GNAL: variants seen among roughly 807,000 people sequenced by gnomAD.
The protein encoded by GNAL is guanine nucleotide-binding protein G(olf) subunit alpha.
In GNAL, 18 loss-of-function variants were observed where a neutral mutation model predicts 55.1. That is an observed-to-expected ratio of 0.33 (90% confidence interval 0.23 to 0.48). GNAL has a LOEUF of 0.48. GNAL is among the 20% of genes least tolerant of loss of function. The probability of loss-of-function intolerance (pLI) is 0.99; values close to 1 mark genes in which losing one functional copy is unlikely to be tolerated. For missense variants in GNAL, 412 were observed against 614.1 expected, an observed-to-expected ratio of 0.67 and a Z score of 3.48; for synonymous variants, 253 against 237.0, an observed-to-expected ratio of 1.07 and a Z score of -0.62.
At chr18:11,746,641 A>T in intron 1 of GNAL, 1 of 244,394 alleles carries the variant, frequency 4.1e-6, no homozygotes, top group South Asian at 5.6e-5. Context: ...GGAGAGGGAG[A>T]AAAAGGAGAA....
intron 4 of GNAL, among the ~76,000 whole-genome samples, chr18:11,785,711 G>T (rs919195825): frequency 6.6e-6 from 1 of 152,122 alleles, no homozygotes; most frequent in Non-Finnish European, 1.5e-5. Context: ...GTTCAGGCCG[G>T]TGTATGAGAG....
chr18:11,786,877 T>C (rs2034077707), intron 4 of GNAL, among the ~76,000 whole-genome samples: 1 of 152,154 alleles, frequency 6.6e-6, no homozygotes, highest in South Asian at 2.1e-4. Context: ...TATGTCTGCT[T>C]TACCCCAGCC....
At chr18:11,737,675 A>T (rs1234795148) in intron 1 of GNAL, among the ~76,000 whole-genome samples, 1 of 152,246 alleles carries the variant, frequency 6.6e-6, no homozygotes. Flanking sequence ...CCATCCGCAC[A>T]GGGTCATCTG....
chr18:11,729,827 C>G (rs2032295070), intron 1 of GNAL, among the ~76,000 whole-genome samples: 1 of 152,112 alleles, frequency 6.6e-6, no homozygotes, highest in East Asian at 1.9e-4. Flanking sequence ...TTAAGTCGCC[C>G]CGAGGCAGTT....
At chr18:11,690,888 T>A (rs1478653901) in intron 1 of GNAL, among the ~76,000 whole-genome samples, 2 of 151,304 alleles carry the variant, frequency 1.3e-5, no homozygotes, top group Non-Finnish European at 2.9e-5. Flanking sequence ...GTTCCAAGTC[T>A]TTGCTAATGT....
Position 11,809,487 on chromosome 18 carries a change from TAGAA to T in GNAL, c.625-15427_625-15424del, listed in dbSNP as rs1424212882. On this transcript the variant is annotated intron_variant, in intron 4 of 11. Coordinates refer to ENST00000334049, the MANE Select transcript of GNAL (RefSeq NM_182978.4). ...TCAATAAAGCTGTGACATGAAAAAA[TAGAA>T]AGAGGCTGAGGTGGGTGGATCACTT... Among the ~76,000 whole-genome samples, 13 of 151,934 alleles carry T rather than the reference TAGAA, an allele frequency of 8.6e-5. No homozygotes were observed. In the South Asian group the frequency reaches 1.0e-3, roughly 12 times the overall value.
chr18:11,834,349 T>C lies in GNAL; in HGVS notation c.722+9334T>C, dbSNP rs532128068. 2.6e-5 allele frequency among the ~76,000 whole-genome samples: 4 copies of C among 152,120 alleles called. No homozygotes were observed. In the South Asian group the frequency reaches 6.2e-4, roughly 24 times the overall value. ...GCAAATGGTAGCAAAAATGGGGTCT[T>C]TTGTTAAGGTTGCCTTGTAATTACA... On this transcript the variant is annotated intron_variant, in intron 5 of 11. Transcript: ENST00000334049.
At chr18:11,836,559 G>A (rs1237891820) in intron 5 of GNAL, among the ~76,000 whole-genome samples, 3 of 152,164 alleles carry the variant, frequency 2.0e-5, no homozygotes, top group African/African-American at 4.8e-5. Context: ...CCCTGTGGAG[G>A]CACATTTTAT....
At chr18:11,693,801 G>C (rs2031326997) in intron 1 of GNAL, among the ~76,000 whole-genome samples, 1 of 143,682 alleles carries the variant, frequency 7.0e-6, no homozygotes, top group Non-Finnish European at 1.5e-5. Flanking sequence ...CAGATCACTT[G>C]AGGCCAGAAG....
intron 4 of GNAL, among the ~76,000 whole-genome samples, chr18:11,764,011 G>T (rs1281796620): frequency 6.6e-6 from 1 of 152,170 alleles, no homozygotes; most frequent in Non-Finnish European, 1.5e-5. Context: ...TAGTTAAGGT[G>T]GGGTCTGCTT....
chr18:11,785,773 C>T (rs564684569), intron 4 of GNAL, among the ~76,000 whole-genome samples: 1 of 152,108 alleles, frequency 6.6e-6, no homozygotes, highest in African/African-American at 2.4e-5. Flanking sequence ...CCCTCTCCTG[C>T]GAACGTCAGC....
intron 5 of GNAL, among the ~76,000 whole-genome samples, chr18:11,846,487 A>ACACACACG (rs2035743714): frequency 6.9e-6 from 1 of 145,602 alleles, no homozygotes; most frequent in African/African-American, 2.7e-5. Flanking sequence ...ACACACACAC[A>ACACACACG]CACACAGACT....
intron 4 of GNAL, among the ~76,000 whole-genome samples, chr18:11,790,148 A>C (rs1251386653): frequency 3.9e-5 from 6 of 152,172 alleles, no homozygotes; most frequent in Non-Finnish European, 2.9e-5. Context: ...TGGTTTTAAT[A>C]ATTTGAAGTT....
Position 11,885,640 on chromosome 18 carries a change from T to A in GNAL, c.*4505T>A. On this transcript the variant is annotated 3_prime_UTR_variant, in exon 12 of 12. Transcript: ENST00000334049. Reference sequence around the variant, plus strand: ...ATTACTGTGTTGATTTAAATACTTATGAAAGCTTTCAGACAAAAATAAACT... The same window carrying A: ...ATTACTGTGTTGATTTAAATACTTAAGAAAGCTTTCAGACAAAAATAAACT... The A allele has an allele frequency of 6.3e-7, 1 of 1,594,102 alleles. No homozygotes were observed. The highest frequency in any genetic ancestry group is 2.3e-5 in the East Asian group (1 of 44,340).
At chr18:11,722,346 T>A (rs981770128) in intron 1 of GNAL, among the ~76,000 whole-genome samples, 1 of 152,252 alleles carries the variant, frequency 6.6e-6, no homozygotes, top group African/African-American at 2.4e-5. Context: ...TTTCTGATTT[T>A]TCTGACCATT....
chr18:11,692,559 A>T (rs548313081), intron 1 of GNAL, among the ~76,000 whole-genome samples: 2 of 152,268 alleles, frequency 1.3e-5, no homozygotes, highest in South Asian at 4.2e-4. Context: ...GGGTAAAATA[A>T]ATCTTCGGAT....
chr18:11,796,589 A>AAAAAC (rs2034392424), intron 4 of GNAL, among the ~76,000 whole-genome samples: 4 of 147,028 alleles, frequency 2.7e-5, no homozygotes, highest in African/African-American at 5.2e-5. Context: ...AAAAAAAAAA[A>AAAAAC]AAAAAACAAA....
chr18:11,770,037 A>G lies in GNAL; in HGVS notation c.624+16092A>G, dbSNP rs893648756. On this transcript the variant is annotated intron_variant, in intron 4 of 11. Coordinates refer to ENST00000334049, the MANE Select transcript of GNAL (RefSeq NM_182978.4). ...CATAGGAAGGGAAAATGTTTTAATTAGATAATTCAACTTTTTATGTGTCTG... is the reference window on the plus strand; with the variant it reads ...CATAGGAAGGGAAAATGTTTTAATTGGATAATTCAACTTTTTATGTGTCTG... Among the ~76,000 whole-genome samples, 10 of 152,346 alleles carry G rather than the reference A, an allele frequency of 6.6e-5. No homozygotes were observed. In the East Asian group the frequency reaches 1.7e-3, roughly 26 times the overall value.
At chr18:11,840,144 G>C (rs1261450778) in intron 5 of GNAL, among the ~76,000 whole-genome samples, 2 of 152,142 alleles carry the variant, frequency 1.3e-5, no homozygotes, top group Non-Finnish European at 2.9e-5. Context: ...CACACAAATA[G>C]AATTTCCATT....
Sources: gnomAD v4.1 joint callset for allele counts (sites outside exome capture counted in the v4.1 genomes callset) on GRCh38, gnomAD v4.1.1 for gene constraint, MANE v1.5 for transcripts, NCBI Gene and HGNC (gene_info 2026-07-23, HGNC 2026-07-21) for gene names.